Variants in HTRA4 observed in about 807,000 individuals in gnomAD.
HTRA4 encodes serine protease HTRA4.
A neutral mutation model predicts 49.1 loss-of-function variants in HTRA4; 46 were observed. That is an observed-to-expected ratio of 0.94 (90% confidence interval 0.74 to 1.20). The LOEUF is 1.20. HTRA4 is among the 50% of genes most tolerant of loss of function. The probability of loss-of-function intolerance (pLI) is 0.00; values close to 1 mark genes in which losing one functional copy is unlikely to be tolerated. For missense variants in HTRA4, 602 were observed against 636.9 expected (o/e 0.95, Z 0.59); for synonymous variants, 261 against 264.0 (o/e 0.99, Z 0.11).
chr8:38,978,293 T>G, intron 4 of HTRA4, 146 bp downstream of exon 4: 1 of 662,900 alleles, frequency 1.5e-6, no homozygotes, highest in East Asian at 2.8e-5. Flanking sequence ...GTCAGATCAG[T>G]GGCGGCATTA....
In HTRA4 at chr8:38,979,245, T is replaced by C. The variant is rs756373389; in HGVS notation, c.997T>C (p.Leu333=). 3 of 1,612,908 alleles carry C rather than the reference T, an allele frequency of 1.9e-6. No homozygotes were observed. Among genetic ancestry groups the C allele is most frequent in the African/African-American group, 1.3e-5 (1 of 75,006 alleles). The change falls in exon 5 of 9, where the codon TTG becomes CTG. Residue 333 remains leucine (L), a splice_region_variant and synonymous_variant. Coordinates refer to ENST00000302495, the MANE Select transcript of HTRA4 (RefSeq NM_153692.4). ...YGNSGGPLVN[L]DGDVIGVNSL... is the part of the protein sequence containing the mutation. ...GAATTCTGGTGGTCCTCTGGTGAAC[T>C]TGGTAAGTGATCACTTTCCTTGTTG... is the stretch of plus-strand genomic sequence containing the variant.
At chr8:38,974,938 T>C in intron 1 of HTRA4, 93 bp from the exon 2 acceptor site, 2 of 1,478,336 alleles carry the variant, frequency 1.4e-6, no homozygotes, top group South Asian at 1.2e-5. Context: ...CCCATGCACC[T>C]TTTGAACACT....
chr8:38,986,020 C>T (rs1835479317), intron 8 of HTRA4, among the ~76,000 whole-genome samples: 1 of 152,004 alleles, frequency 6.6e-6, no homozygotes, highest in South Asian at 2.1e-4. Flanking sequence ...ATAAAATAAA[C>T]AAAATCAGCT....
chr8:38,979,663 A>G lies in HTRA4; in HGVS notation c.999+416A>G, dbSNP rs1010138612. Among the ~76,000 whole-genome samples the G allele has an allele frequency of 6.6e-5, 10 of 152,226 alleles. No individual in the cohort carries two copies. The East Asian group carries it at 1.9e-3, about 29-fold the overall frequency. On this transcript the variant is annotated intron_variant, in intron 5 of 8. Transcript: ENST00000302495. ...TCTGTTTTCATTGGCTAGTTACCCA[A>G]AGCCCTGGATTTTATTTATTTATTT...
intron 5 of HTRA4, among the ~76,000 whole-genome samples, chr8:38,981,114 A>C (rs567226741): frequency 5.0e-4 from 53 of 106,388 alleles, no homozygotes; most frequent in African/African-American, 1.9e-3. Flanking sequence ...GAGTCTCGCT[A>C]GGTCGCCCAG....
chr8:38,984,485 G>A (rs1481716468), intron 8 of HTRA4, among the ~76,000 whole-genome samples: 2 of 151,656 alleles, frequency 1.3e-5, no homozygotes, highest in East Asian at 2.0e-4. Context: ...CGTGACTCAC[G>A]CCTGTAATCC....
chr8:38,987,030 T>G (rs1280059673), intron 8 of HTRA4, among the ~76,000 whole-genome samples: 1 of 152,256 alleles, frequency 6.6e-6, no homozygotes, highest in East Asian at 1.9e-4. Context: ...AAACTGTCTT[T>G]GTTCTAAGGT....
chr8:38,979,328 C>T (rs1217349549), intron 5 of HTRA4, 81 bp downstream of exon 5: 29 of 1,287,722 alleles, frequency 2.3e-5, no homozygotes, highest in Non-Finnish European at 3.1e-5. Flanking sequence ...GGGGTGGTGG[C>T]TCATGCCTGT....
Position 38,974,650 on chromosome 8 carries a change from C to T in HTRA4, c.387C>T (p.Leu129=), listed in dbSNP as rs957357208. The T allele has an allele frequency of 3.6e-6, 5 of 1,406,046 alleles. No individual in the cohort carries two copies. The highest frequency in any genetic ancestry group is 4.6e-6 in the Non-Finnish European group (5 of 1,089,520). 87.1% of individuals were successfully genotyped at this position (1,406,046 alleles called of 1,614,324 possible). The stretch of plus-strand genomic sequence containing the variant: ...GCACCTACCCCAGCATGTGCGCGCT[C>T]CGGGCCGAAAACCGCGCCGCGCGCC... ...DRRTYPSMCA[L]RAENRAARRL... The change falls in exon 1 of 9, where the codon CTC becomes CTT. Residue 129 remains leucine, a synonymous_variant. Transcript: ENST00000302495.
Position 38,988,297 on chromosome 8 carries a change from A to G in HTRA4, c.*199A>G. The G allele has an allele frequency of 4.4e-6, 2 of 458,868 alleles. No individual in the cohort carries two copies. Among genetic ancestry groups the G allele is most frequent in the Non-Finnish European group, 3.8e-6 (1 of 263,098 alleles). 28.4% of individuals were successfully genotyped at this position (458,868 alleles called of 1,614,324 possible). ...TGGTACATATACACCATGGAATACT[A>G]TGCAGCCATAAAAAGCAACAGTCCT... On this transcript the variant is annotated 3_prime_UTR_variant, in exon 9 of 9. Coordinates refer to ENST00000302495, the MANE Select transcript of HTRA4 (RefSeq NM_153692.4).
chr8:38,978,110 C>A lies in HTRA4; in HGVS notation c.929C>A (p.Ser310Ter). 6.2e-7 allele frequency: 1 copy of A among 1,614,048 alleles called. No individual in the cohort carries two copies. The highest frequency in any genetic ancestry group is 1.1e-5 in the South Asian group (1 of 91,052). The change falls in exon 4 of 9, where the codon TCA becomes TAA. Residue 310 changes from serine (S) to a stop codon, truncating the protein, a stop_gained. Coordinates refer to ENST00000302495, the MANE Select transcript of HTRA4 (RefSeq NM_153692.4). LOFTEE classifies it high-confidence loss of function. ...RGGKELGMKDSDMDYVQIDAT... is the reference protein window; with the variant it reads ...RGGKELGMKD The stretch of plus-strand genomic sequence containing the variant: ...GGCAAAGAACTGGGGATGAAGGATT[C>A]AGATATGGACTACGTCCAGATTGAT...
intron 4 of HTRA4, 103 bp downstream of exon 4, chr8:38,978,250 C>CAGTCATTCTCACTCGCCCAT: frequency 2.0e-6 from 2 of 1,004,122 alleles, no homozygotes; most frequent in Non-Finnish European, 2.9e-6. Flanking sequence ...GAGCCATGGG[C>CAGTCATTCTCACTCGCCCAT]GAGTGAGAAT....
chr8:38,987,204 C>CT (rs1333083055), intron 8 of HTRA4, among the ~76,000 whole-genome samples: 2 of 152,100 alleles, frequency 1.3e-5, no homozygotes, highest in African/African-American at 4.8e-5. Flanking sequence ...TTTGCTGTTC[C>CT]TTTTTCAGCC....
intron 8 of HTRA4, among the ~76,000 whole-genome samples, chr8:38,985,166 T>C (rs1375252529): frequency 2.0e-5 from 3 of 148,784 alleles, no homozygotes; most frequent in Admixed American, 1.3e-4. Flanking sequence ...TACTTCTTTT[T>C]TTTTTTTTTT....
rs1835334751 is a variant in HTRA4, at chr8:38,975,220, C to A, written c.566+90C>A. 2.7e-5 allele frequency: 35 copies of A among 1,304,838 alleles called. No individual in the cohort carries two copies. The South Asian group carries it at 4.0e-4, about 15-fold the overall frequency. The allele number at this position is 1,304,838 out of a possible 1,614,324, so 80.8% of individuals were successfully genotyped here. A position where few individuals can be genotyped will look rare whatever the true frequency, so the allele number is the denominator to read the frequency against. ...AGACCCTTCGCAAGCGTCATTTAAT[C>A]CTAAAAAACCAGTGAGGAAACTGAG... On this transcript the variant is annotated intron_variant, in intron 2 of 8. Coordinates refer to ENST00000302495, the MANE Select transcript of HTRA4 (RefSeq NM_153692.4).
Position 38,983,024 on chromosome 8 carries a change from TGG to T in HTRA4, c.1245_1246del (p.Val416Ter). 1.9e-6 allele frequency: 3 copies of T among 1,613,488 alleles called. No homozygotes were observed. Among genetic ancestry groups the T allele is most frequent in the Non-Finnish European group, 2.5e-6 (3 of 1,179,492 alleles). ...AGTTCTGGGGTTTATGTATGTAAAGTGGTTGAAGGAACAGCTGCTCAAAGGTA... is the reference window on the plus strand; with the variant it reads ...AGTTCTGGGGTTTATGTATGTAAAGTTTGAAGGAACAGCTGCTCAAAGGTA... On this transcript the variant is annotated frameshift_variant, in exon 8 of 9. Transcript: ENST00000302495. LOFTEE classifies it high-confidence loss of function.
rs572009883 is a variant in HTRA4 at position 38,978,142 on chromosome 8, A to G, written c.961A>G (p.Ile321Val). 1 of 1,612,780 alleles carries G rather than the reference A, an allele frequency of 6.2e-7. No individual in the cohort carries two copies. The change falls in exon 4 of 9, where the codon ATT becomes GTT. Residue 321 changes from isoleucine to valine, a missense_variant. Ile to Val is a conservative substitution (Grantham distance 29). Coordinates refer to ENST00000302495, the MANE Select transcript of HTRA4 (RefSeq NM_153692.4). Reference protein sequence around the residue: ...DMDYVQIDATINYGNSGGPLV... With the variant: ...DMDYVQIDATVNYGNSGGPLV... ...GGACTACGTCCAGATTGATGCCACA[A>G]TTAATGTAAGTCACTTAGGACAGAG...
chr8:38,984,574 C>A (rs951005153), intron 8 of HTRA4, among the ~76,000 whole-genome samples: 2 of 151,766 alleles, frequency 1.3e-5, no homozygotes, highest in Non-Finnish European at 2.9e-5. Flanking sequence ...TGGTGAAACA[C>A]CATCCCTACT....
At chr8:38,985,175 T>TTTG (rs1291769558) in intron 8 of HTRA4, among the ~76,000 whole-genome samples, 16 of 150,734 alleles carry the variant, frequency 1.1e-4, no homozygotes, top group Non-Finnish European at 2.1e-4. Flanking sequence ...TTTTTTTTTT[T>TTTG]TTTTGAGACG....
Sources: allele counts gnomAD v4.1 joint callset (sites outside exome capture counted in the v4.1 genomes callset), GRCh38; gene constraint gnomAD v4.1.1; transcripts MANE v1.5; gene names NCBI Gene and HGNC (gene_info 2026-07-23, HGNC 2026-07-21).